The following ELFN1 variants were observed in gnomAD, a reference collection of about 807,000 sequenced individuals.
ELFN1 encodes the protein extracellular leucine rich repeat and fibronectin type III domain containing 1.
A neutral mutation model predicts 7.6 loss-of-function variants in ELFN1; 6 were observed. The ratio of observed to expected loss-of-function variants is 0.79; its 90% CI spans 0.43 to 1.56. ELFN1 has a LOEUF of 1.56. ELFN1 is among the 40% of genes most tolerant of loss of function. The pLI, the probability that ELFN1 is intolerant of heterozygous loss-of-function variation, is 0.01. For missense variants in ELFN1, 1,169 were observed against 1,232.2 expected (o/e 0.95, Z 0.77); for synonymous variants, 657 against 588.1 (o/e 1.12, Z -1.70).
chr7:1,686,065 T>C (rs1325047155), intron 1 of ELFN1, among the ~76,000 whole-genome samples: 1 of 150,626 alleles, frequency 6.6e-6, no homozygotes, highest in Non-Finnish European at 1.5e-5. Flanking sequence ...TTGACTTTTT[T>C]TTTTCTGAGT....
intron 3 of ELFN1, among the ~76,000 whole-genome samples, chr7:1,730,671 A>G (rs1359171038): frequency 2.6e-5 from 4 of 152,336 alleles, no homozygotes; most frequent in South Asian, 2.1e-4. Context: ...CCAGAAACAC[A>G]CGTCTTTATC....
intron 2 of ELFN1, among the ~76,000 whole-genome samples, chr7:1,702,898 T>C (rs537426078): frequency 6.7e-6 from 1 of 150,356 alleles, no homozygotes; most frequent in African/African-American, 2.5e-5. Flanking sequence ...TTGCTCTTGA[T>C]TGCAAAAAGT....
chr7:1,737,149 C>T (rs1780471551), intron 3 of ELFN1, among the ~76,000 whole-genome samples: 1 of 152,174 alleles, frequency 6.6e-6, no homozygotes, highest in African/African-American at 2.4e-5. Flanking sequence ...TTCCCTAACT[C>T]CTACTCTTCT....
At chr7:1,692,853 T>C (rs909712640) in intron 2 of ELFN1, 2 of 174,566 alleles carry the variant, frequency 1.1e-5, no homozygotes, top group Non-Finnish European at 2.5e-5. Flanking sequence ...CTGAGGACTG[T>C]GGAATCAAAG....
intron 1 of ELFN1, among the ~76,000 whole-genome samples, chr7:1,674,649 C>T (rs1233258938): frequency 6.6e-6 from 1 of 152,154 alleles, no homozygotes; most frequent in Non-Finnish European, 1.5e-5. Context: ...CCGCCCTCGA[C>T]GTCTGCCCTA....
At chr7:1,742,021 C>T (rs891446757) in intron 3 of ELFN1, among the ~76,000 whole-genome samples, 3 of 152,194 alleles carry the variant, frequency 2.0e-5, no homozygotes, top group Admixed American at 1.3e-4. Flanking sequence ...TGTACAAACA[C>T]GTGTGTGGGT....
intron 1 of ELFN1, among the ~76,000 whole-genome samples, chr7:1,681,252 C>G (rs1778970277): frequency 1.3e-5 from 2 of 152,220 alleles, no homozygotes; most frequent in South Asian, 4.1e-4. Context: ...AAAACACATG[C>G]AGAGCATGTG....
chr7:1,728,903 TCATCATCTCATGATGTC>T (rs572134373), intron 3 of ELFN1, among the ~76,000 whole-genome samples: 3 of 152,166 alleles, frequency 2.0e-5, no homozygotes, highest in South Asian at 2.1e-4. Flanking sequence ...ATGGTCCTGT[TCATCATCTCATGATGTC>T]CATCATCTCA....
At position 1,737,534 on chromosome 7, in the gene ELFN1, GCTT is replaced by G. The variant is rs375107296; in HGVS notation, c.-293-6765_-293-6763del. 3.9e-5 allele frequency among the ~76,000 whole-genome samples: 6 copies of G among 152,318 alleles called. No individual in the cohort carries two copies. The South Asian group carries it at 1.2e-3, about 32-fold the overall frequency. Reference sequence around the variant, plus strand: ...GCCCTCCACCCATCCAGGAGAGAGAGCTTCTTCGGGAAGGTCAAATGTGCTTCA... The same window carrying G: ...GCCCTCCACCCATCCAGGAGAGAGAGCTTCGGGAAGGTCAAATGTGCTTCA... On this transcript the variant is annotated intron_variant, in intron 3 of 3. Transcript: ENST00000424383.
chr7:1,693,741 A>G, intron 2 of ELFN1: 1 of 470,942 alleles, frequency 2.1e-6, no homozygotes, highest in Non-Finnish European at 4.4e-6. Context: ...CCCCATGGCA[A>G]CCCCAGAGCA....
chr7:1,680,268 G>A (rs1372380604), intron 1 of ELFN1, among the ~76,000 whole-genome samples: 4 of 152,200 alleles, frequency 2.6e-5, no homozygotes, highest in African/African-American at 9.7e-5. Context: ...ATCACGTAGG[G>A]GAACAAATTG....
intron 1 of ELFN1, among the ~76,000 whole-genome samples, chr7:1,681,095 A>G (rs1171783194): frequency 6.6e-6 from 1 of 152,230 alleles, no homozygotes; most frequent in African/African-American, 2.4e-5. Context: ...GCATCCTGCA[A>G]TATGCAGTCT....
intron 3 of ELFN1, among the ~76,000 whole-genome samples, chr7:1,713,280 G>A (rs188229758): frequency 6.1e-4 from 93 of 152,324 alleles, no homozygotes; most frequent in African/African-American, 2.0e-3. Context: ...TAGATGGGAC[G>A]CTTCCCAGCC....
rs192732004 is a variant in ELFN1, at chr7:1,738,457, G to A, written c.-293-5847G>A. On this transcript the variant is annotated intron_variant, in intron 3 of 3. Transcript: ENST00000424383. ...GGCTTGATCAAACATGAAGTGGATG[G>A]CCGGGTGTCGTGACATACACCTGTA... Among the ~76,000 whole-genome samples the A allele has an allele frequency of 1.8e-3, 271 of 152,276 alleles. 2 individuals carry two copies. The highest frequency in any genetic ancestry group is 3.4e-3 in the Middle Eastern group (1 of 294).
chr7:1,732,742 A>G (rs1295887698), intron 3 of ELFN1, among the ~76,000 whole-genome samples: 1 of 152,054 alleles, frequency 6.6e-6, no homozygotes, highest in African/African-American at 2.4e-5. Context: ...CACGGAGCTG[A>G]TGACAAGCAA....
At chr7:1,670,078 G>A (rs1163608300), upstream of ELFN1, among the ~76,000 whole-genome samples, 1 of 151,100 alleles carries the variant, frequency 6.6e-6, no homozygotes, top group Non-Finnish European at 1.5e-5. The surrounding 1 kb of genome is among the most constrained non-coding windows in gnomAD (Gnocchi z 6.4). Flanking sequence ...CAGAGGCTCC[G>A]AGCCGGACTC....
At chr7:1,699,599 T>C (rs1463538159) in intron 2 of ELFN1, among the ~76,000 whole-genome samples, 4 of 152,136 alleles carry the variant, frequency 2.6e-5, no homozygotes, top group Non-Finnish European at 5.9e-5. Context: ...CCATGATGCA[T>C]CACTGCACTC....
chr7:1,701,849 T>A (rs892651894), intron 2 of ELFN1, among the ~76,000 whole-genome samples: 1 of 152,226 alleles, frequency 6.6e-6, no homozygotes, highest in Non-Finnish European at 1.5e-5. Context: ...TTTATCTTTT[T>A]ATCTACTTTA....
In ELFN1 at chr7:1,673,198, C is replaced by CAGT. The variant is rs541660069; in HGVS notation, c.-549+2844_-549+2845insAGT. Among the ~76,000 whole-genome samples the CAGT allele has an allele frequency of 2.8e-3, 427 of 152,004 alleles. No individual in the cohort carries two copies. Among genetic ancestry groups the CAGT allele is most frequent in the African/African-American group, 9.9e-3 (409 of 41,484 alleles). ...TTTGTGGGGGTGGCTGGTGGTGGAG[C>CAGT]CACTGCAGTGGACGATGGCGCCATC... On this transcript the variant is annotated intron_variant, in intron 1 of 3. Transcript: ENST00000424383. This position sits in a 1 kb window ranked among gnomAD's most constrained non-coding sequence, Gnocchi z 4.7.
Sources: gnomAD v4.1 joint callset for allele counts (sites outside exome capture counted in the v4.1 genomes callset) on GRCh38, gnomAD v4.1.1 for gene constraint, Gnocchi (gnomAD v3.1) non-coding constraint, MANE v1.5 for transcripts, NCBI Gene and HGNC (gene_info 2026-07-23, HGNC 2026-07-21) for gene names.